OPN3: variants seen among roughly 807,000 people sequenced by gnomAD.
OPN3 encodes the protein opsin-3.
Under a neutral mutation model 33.8 loss-of-function variants are expected in OPN3, and 29 were observed. The observed-to-expected ratio is 0.86, with a 90% CI of 0.64 to 1.17. The LOEUF is 1.17. Among genes scored for constraint, OPN3 ranks in the 50% most tolerant of loss-of-function variants. The probability of loss-of-function intolerance (pLI) is 0.00; values close to 1 mark genes in which losing one functional copy is unlikely to be tolerated. For synonymous variants in OPN3, 216 were observed against 216.1 expected (o/e 1.00, Z 0.00); for missense variants, 437 against 514.1 (o/e 0.85, Z 1.45).
intron 1 of OPN3, chr1:241,635,061 T>C: frequency 6.2e-7 from 1 of 1,613,096 alleles, no homozygotes; most frequent in South Asian, 1.1e-5. Context: ...TACAGCAGTT[T>C]TGACACCAAA....
chr1:241,632,231 C>G (rs114933305), intron 1 of OPN3: 1 of 153,144 alleles, frequency 6.5e-6, no homozygotes, highest in Non-Finnish European at 1.5e-5. Context: ...CCATGTAAGA[C>G]GTGCCTTTCA....
chr1:241,610,566 C>T (rs531735951), intron 1 of OPN3, among the ~76,000 whole-genome samples: 19 of 152,122 alleles, frequency 1.2e-4, no homozygotes, highest in African/African-American at 2.4e-4. Context: ...TAGTTCTTTC[C>T]GGTATAACTT....
intron 2 of OPN3, among the ~76,000 whole-genome samples, chr1:241,600,178 G>A (rs1663644300): frequency 6.6e-6 from 1 of 152,212 alleles, no homozygotes; most frequent in Non-Finnish European, 1.5e-5. Context: ...TTAAATAAAT[G>A]TTTGTCTATA....
chr1:241,635,696 G>A (rs137990597), intron 1 of OPN3: 1 of 1,613,920 alleles, frequency 6.2e-7, no homozygotes, highest in African/African-American at 1.3e-5. Context: ...ACATGCAGCT[G>A]CAAGGATGGA....
intron 1 of OPN3, chr1:241,634,533 C>G (rs140810282): frequency 1.2e-6 from 2 of 1,613,856 alleles, no homozygotes; most frequent in East Asian, 4.5e-5. Flanking sequence ...GATTCTTTGT[C>G]GACTACAAAG....
intron 1 of OPN3, among the ~76,000 whole-genome samples, chr1:241,620,349 G>GC (rs1178734515): frequency 6.6e-6 from 1 of 152,146 alleles, no homozygotes; most frequent in Non-Finnish European, 1.5e-5. Flanking sequence ...GATGTTTGTG[G>GC]CCCCCCAAAT....
At chr1:241,639,196 G>C (rs536442350) in intron 1 of OPN3, 1 of 152,190 alleles carries the variant, frequency 6.6e-6, no homozygotes, top group Non-Finnish European at 1.5e-5. Context: ...AGATGGTATT[G>C]GCTGAGCCAT....
At chr1:241,628,870 A>C (rs1664504013) in intron 1 of OPN3, 1 of 152,580 alleles carries the variant, frequency 6.6e-6, no homozygotes, top group Non-Finnish European at 1.5e-5. Context: ...CCACTTTACC[A>C]ATTAATCTTT....
At chr1:241,609,442 T>A (rs1020725307) in intron 1 of OPN3, among the ~76,000 whole-genome samples, 1 of 152,198 alleles carries the variant, frequency 6.6e-6, no homozygotes, top group African/African-American at 2.4e-5. Context: ...TCTCCACAAA[T>A]TCTACCAGTG....
chr1:241,599,132 A>G (rs1250082623), intron 2 of OPN3, among the ~76,000 whole-genome samples: 1 of 151,510 alleles, frequency 6.6e-6, no homozygotes, highest in African/African-American at 2.4e-5. Context: ...TATCAAAATC[A>G]TGTATTCAGA....
chr1:241,634,804 T>C, intron 1 of OPN3: 1 of 1,613,844 alleles, frequency 6.2e-7, no homozygotes, highest in East Asian at 2.2e-5. Context: ...ATTCTGAAAA[T>C]GAACACTGCC....
chr1:241,639,884 A>T lies in OPN3; in HGVS notation c.371T>A (p.Phe124Tyr). Residue 124 changes from phenylalanine to tyrosine, a missense_variant and splice_region_variant, in exon 1 of 4, where the codon TTC becomes TAC. By Grantham distance (22) the Phe-to-Tyr change is conservative. Coordinates refer to ENST00000366554, the MANE Select transcript of OPN3 (RefSeq NM_014322.3). Reference sequence around the variant, plus strand: ...TGCCTTCTCCCAGTCCAACTCACCGAAGAGGCTGCCGCTAAACCCGTCCCA... The same window carrying T: ...TGCCTTCTCCCAGTCCAACTCACCGTAGAGGCTGCCGCTAAACCCGTCCCA... ...CVWDGFSGSL[F>Y]GIVSIATLTV... The T allele has an allele frequency of 6.4e-7, 1 of 1,572,336 alleles. No individual in the cohort carries two copies. The highest frequency in any genetic ancestry group is 2.4e-5 in the East Asian group (1 of 41,812).
intron 1 of OPN3, among the ~76,000 whole-genome samples, chr1:241,625,940 C>T (rs1283837823): frequency 6.6e-6 from 1 of 152,164 alleles, no homozygotes; most frequent in Non-Finnish European, 1.5e-5. Context: ...ATCTGATTCC[C>T]AGATGTGAAA....
chr1:241,639,787 G>T (rs1211413262), intron 1 of OPN3, 95 bp downstream of exon 1: 13 of 1,255,928 alleles, frequency 1.0e-5, no homozygotes, highest in Non-Finnish European at 1.4e-5. Context: ...GGGAAGCGGT[G>T]CGGGGCGGGC....
chr1:241,638,902 A>G (rs1012127795), intron 1 of OPN3, among the ~76,000 whole-genome samples: 2 of 152,218 alleles, frequency 1.3e-5, no homozygotes, highest in Admixed American at 6.5e-5. Flanking sequence ...TAAAGTATCA[A>G]TGGATTTCAG....
At chr1:241,634,030 C>G (rs199737234) in intron 1 of OPN3, 3 of 1,613,496 alleles carry the variant, frequency 1.9e-6, no homozygotes, top group African/African-American at 2.7e-5. Context: ...CACAGTCAGG[C>G]CCAGAGCAGA....
intron 1 of OPN3, among the ~76,000 whole-genome samples, chr1:241,624,063 C>T (rs1664339366): frequency 6.6e-6 from 1 of 150,770 alleles, no homozygotes. Context: ...CATGCCAGGC[C>T]AGGCACTCTA....
chr1:241,596,274 A>G (rs1663504978), intron 3 of OPN3, among the ~76,000 whole-genome samples: 1 of 152,218 alleles, frequency 6.6e-6, no homozygotes, highest in Non-Finnish European at 1.5e-5. Context: ...AAAGTTATAA[A>G]CCATCTCACT....
intron 1 of OPN3, chr1:241,632,990 C>T (rs1031011827): frequency 6.6e-6 from 1 of 152,052 alleles, no homozygotes; most frequent in African/African-American, 2.4e-5. Flanking sequence ...TTATTGGAAG[C>T]TATTTTAAGT....
Sources: allele counts gnomAD v4.1 joint callset (sites outside exome capture counted in the v4.1 genomes callset), GRCh38; gene constraint gnomAD v4.1.1; transcripts MANE v1.5; gene names NCBI Gene and HGNC (gene_info 2026-07-23, HGNC 2026-07-21).